Variants in SAMMSON observed in about 807,000 individuals in gnomAD.
SAMMSON encodes the protein long intergenic non-protein coding RNA 1212.
At chr3:70,227,617 T>TG (rs957100472) in intron 4 of SAMMSON, among the ~76,000 whole-genome samples, 4 of 152,334 alleles carry the variant, frequency 2.6e-5, no homozygotes, top group Admixed American at 1.3e-4. Context: ...ATTAGGTTTT[T>TG]GCCATTGAAA....
chr3:70,228,738 A>G (rs1200560624), intron 4 of SAMMSON, among the ~76,000 whole-genome samples: 2 of 150,928 alleles, frequency 1.3e-5, no homozygotes, highest in African/African-American at 4.9e-5. Context: ...TTTTTTCATG[A>G]ATCTTTTTTT....
chr3:70,211,969 A>T (rs745890404), intron 4 of SAMMSON, among the ~76,000 whole-genome samples: 1 of 150,480 alleles, frequency 6.6e-6, no homozygotes, highest in Non-Finnish European at 1.5e-5. Flanking sequence ...CATCTCCATT[A>T]TCAGCTTCTG....
intron 7 of SAMMSON, among the ~76,000 whole-genome samples, chr3:70,296,726 G>A (rs950710844): frequency 1.3e-4 from 20 of 151,996 alleles, no homozygotes; most frequent in African/African-American, 4.3e-4. Flanking sequence ...TTCATTCACA[G>A]TGTCATTCCT....
At chr3:70,045,031 AT>A (rs1559779665) in intron 3 of SAMMSON, among the ~76,000 whole-genome samples, 39 of 127,448 alleles carry the variant, frequency 3.1e-4, no homozygotes, top group African/African-American at 1.1e-3. Context: ...ATTATAATAT[AT>A]ATTATAATTA....
Position 70,162,953 on chromosome 3 carries a change from A to G in SAMMSON, n.508-86154A>G, listed in dbSNP as rs140542460. Among the ~76,000 whole-genome samples, 1,316 of 152,010 alleles carry G rather than the reference A, an allele frequency of 8.7e-3. 8 individuals are homozygous for G. The highest frequency in any genetic ancestry group is 0.013 in the Non-Finnish European group (879 of 67,866). On this transcript the variant is annotated intron_variant and non_coding_transcript_variant, in intron 4 of 9. Coordinates refer to ENST00000642114, the Ensembl canonical transcript of SAMMSON. ...AGTCTATTTTGTCTAACATTGGTAT[A>G]GTTACCCAACTTGTTTTTTGTTTAC...
intron 2 of SAMMSON, among the ~76,000 whole-genome samples, chr3:70,429,406 T>A (rs1701396054): frequency 6.6e-6 from 1 of 152,216 alleles, no homozygotes; most frequent in Non-Finnish European, 1.5e-5. Flanking sequence ...GCATGATGCC[T>A]CCAGCTTTGT....
At chr3:70,239,420 G>A (rs1366177429) in intron 4 of SAMMSON, among the ~76,000 whole-genome samples, 2 of 152,136 alleles carry the variant, frequency 1.3e-5, no homozygotes, top group Non-Finnish European at 2.9e-5. Flanking sequence ...TTAGGTTGGA[G>A]ATTGACTCTG....
At chr3:70,078,021 T>C (rs1293589557) in intron 4 of SAMMSON, among the ~76,000 whole-genome samples, 2 of 152,172 alleles carry the variant, frequency 1.3e-5, no homozygotes, top group Non-Finnish European at 2.9e-5. Flanking sequence ...TTCCGTGCAT[T>C]TCACACACTT....
chr3:70,151,632 T>C (rs2067572175), intron 4 of SAMMSON, among the ~76,000 whole-genome samples: 1 of 152,036 alleles, frequency 6.6e-6, no homozygotes, highest in South Asian at 2.1e-4. Flanking sequence ...ACTTGGTAAA[T>C]GATAAAACAG....
At chr3:70,352,771 A>G (rs1312322540) in intron 7 of SAMMSON, among the ~76,000 whole-genome samples, 1 of 152,086 alleles carries the variant, frequency 6.6e-6, no homozygotes, top group Non-Finnish European at 1.5e-5. Context: ...TTATTTTCCA[A>G]AGGAAAAAAA....
intron 2 of SAMMSON, among the ~76,000 whole-genome samples, chr3:70,427,556 G>A (rs909795442): frequency 1.1e-4 from 17 of 151,928 alleles, no homozygotes; most frequent in Non-Finnish European, 2.4e-4. Context: ...TGGCTGACAC[G>A]GTGAAACCCC....
At chr3:70,312,813 A>G (rs868326133) in intron 7 of SAMMSON, 1 of 152,010 alleles carries the variant, frequency 6.6e-6, no homozygotes. Context: ...GCTAGCACTT[A>G]TTTAAAATGA....
chr3:70,108,006 A>G (rs2067373987), intron 4 of SAMMSON, among the ~76,000 whole-genome samples: 1 of 152,184 alleles, frequency 6.6e-6, no homozygotes, highest in Non-Finnish European at 1.5e-5. Context: ...AAACAATTAT[A>G]TTTAATCTTC....
intron 1 of SAMMSON, among the ~76,000 whole-genome samples, chr3:70,008,465 T>A (rs1476895776): frequency 1.3e-5 from 2 of 152,204 alleles, no homozygotes; most frequent in Admixed American, 6.5e-5. Context: ...ACAAGAATGC[T>A]TGTGATTTTT....
chr3:70,312,635 C>G (rs181789549), intron 7 of SAMMSON: 8 of 152,292 alleles, frequency 5.3e-5, no homozygotes, highest in African/African-American at 1.9e-4. Flanking sequence ...TCCAGCATTC[C>G]TCTATCCTGA....
chr3:70,183,324 A>G (rs887717981), intron 4 of SAMMSON: 4 of 152,222 alleles, frequency 2.6e-5, no homozygotes, highest in Non-Finnish European at 5.9e-5. Flanking sequence ...CAGAGTAAAT[A>G]TAACACCCAC....
At chr3:70,357,491 A>G (rs1702838030) in intron 8 of SAMMSON, among the ~76,000 whole-genome samples, 1 of 152,104 alleles carries the variant, frequency 6.6e-6, no homozygotes, top group South Asian at 2.1e-4. Flanking sequence ...TTTTATTTTA[A>G]AAGTTGAGTG....
chr3:70,054,395 A>C (rs1369222821), intron 3 of SAMMSON, among the ~76,000 whole-genome samples: 3 of 152,098 alleles, frequency 2.0e-5, no homozygotes, highest in East Asian at 3.9e-4. Flanking sequence ...TGGTTCTCCA[A>C]ATAATTCCTG....
chr3:70,140,312 A>G (rs147693108), intron 4 of SAMMSON: 244 of 219,056 alleles, frequency 1.1e-3, no homozygotes, highest in African/African-American at 5.4e-3. Flanking sequence ...CCCCAACAAC[A>G]GAAAGAGAGC....
Sources: gnomAD v4.1 joint callset for allele counts (sites outside exome capture counted in the v4.1 genomes callset) on GRCh38, gnomAD v4.1.1 for gene constraint, MANE v1.5 for transcripts, NCBI Gene and HGNC (gene_info 2026-07-23, HGNC 2026-07-21) for gene names.